Variants in CSMD1 observed in about 807,000 individuals in gnomAD.
CSMD1 encodes the protein CUB and sushi domain-containing protein 1.
CSMD1 carries 213 observed loss-of-function variants against 417.5 expected under a neutral mutation model. The observed-to-expected ratio is 0.51, with a 90% confidence interval of 0.46 to 0.57. CSMD1 has a LOEUF of 0.57. CSMD1 is among the 20% of genes least tolerant of loss of function. The pLI is 0.00. For missense variants in CSMD1, 6,923 were observed against 4,529.7 expected (o/e 1.53, Z -15.17); for synonymous variants, 2,862 against 1,736.8 (o/e 1.65, Z -16.11).
chr8:4,966,345 C>A (rs1270896405), intron 1 of CSMD1, among the ~76,000 whole-genome samples: 1 of 152,122 alleles, frequency 6.6e-6, no homozygotes, highest in Admixed American at 6.5e-5. Flanking sequence ...CACCATTGCA[C>A]TCCAGCCTGG....
In CSMD1 at chr8:3,408,019, G is replaced by A. The variant is rs761287790; in HGVS notation, c.1951C>T (p.Leu651=). The change falls in exon 14 of 70, where the codon CTG becomes TTG. Residue 651 remains leucine (L), a synonymous_variant. Transcript: ENST00000635120. ...KDDGISDITV[L]GTFSGNEVPS... is the part of the protein sequence containing the mutation. ...ACTTCATTGCCAGAAAAAGTACCCA[G>A]GACAGTTATGTCAGAAATGCCATCA... 1.0e-4 allele frequency: 164 copies of A among 1,613,786 alleles called. No individual in the cohort carries two copies. Among genetic ancestry groups the A allele is most frequent in the Non-Finnish European group, 1.2e-4 (139 of 1,179,882 alleles).
At chr8:3,800,388 G>C (rs1800389892) in intron 5 of CSMD1, among the ~76,000 whole-genome samples, 1 of 152,126 alleles carries the variant, frequency 6.6e-6, no homozygotes, top group Admixed American at 6.6e-5. Flanking sequence ...CTTACACAAT[G>C]AATTTAATGC....
chr8:3,719,830 A>T (rs190591833), intron 6 of CSMD1, among the ~76,000 whole-genome samples: 47 of 152,242 alleles, frequency 3.1e-4, no homozygotes, highest in Non-Finnish European at 1.5e-5. Flanking sequence ...AATCTCCCTC[A>T]CAGTGGGGAT....
chr8:3,898,228 G>C (rs1010810964), intron 5 of CSMD1, among the ~76,000 whole-genome samples: 2 of 152,022 alleles, frequency 1.3e-5, no homozygotes, highest in African/African-American at 2.4e-5. Context: ...TACATATTGA[G>C]AAAATAAAAA....
At chr8:3,918,728 A>C (rs1344518067) in intron 5 of CSMD1, among the ~76,000 whole-genome samples, 1 of 152,140 alleles carries the variant, frequency 6.6e-6, no homozygotes, top group East Asian at 1.9e-4. Flanking sequence ...CATTTGCAGC[A>C]ACCTGGATGG....
intron 9 of CSMD1, 46 bp downstream of exon 9, chr8:3,586,090 T>G: frequency 1.3e-6 from 2 of 1,580,004 alleles, no homozygotes; most frequent in Non-Finnish European, 8.6e-7. Flanking sequence ...AATGCCAACC[T>G]TAAAGAAAGA....
chr8:3,607,137 T>C (rs1801658208), intron 8 of CSMD1, among the ~76,000 whole-genome samples: 1 of 152,222 alleles, frequency 6.6e-6, no homozygotes, highest in Admixed American at 6.5e-5. Flanking sequence ...TTTTCTATTG[T>C]TCTTTTTACT....
Position 3,560,469 on chromosome 8 carries a change from C to G in CSMD1, c.1344+14476G>C, listed in dbSNP as rs138796896. Among the ~76,000 whole-genome samples, 258 of 152,238 alleles carry G rather than the reference C, an allele frequency of 1.7e-3. 7 individuals carry two copies. In the East Asian group the frequency reaches 0.044, roughly 26 times the overall value. Reference sequence around the variant, plus strand: ...GGATCCCAGGTCTGTGAACTCCAGACTGATTCTTCTCATGCTGTATTAGTG... The same window carrying G: ...GGATCCCAGGTCTGTGAACTCCAGAGTGATTCTTCTCATGCTGTATTAGTG... On this transcript the variant is annotated intron_variant, in intron 10 of 69. Coordinates refer to ENST00000635120, the MANE Select transcript of CSMD1 (RefSeq NM_033225.6).
rs559139185 is a variant in CSMD1 at position 4,764,129 on chromosome 8, C to T, written c.86-126571G>A. Among the ~76,000 whole-genome samples, 28 of 152,232 alleles carry T rather than the reference C, an allele frequency of 1.8e-4. 1 individual carries two copies. Among genetic ancestry groups the T allele is most frequent in the Admixed American group, 1.4e-3 (21 of 15,278 alleles). ...AGGTAATCTACTTTATATGAGATTTCGCATTATTCTTGTTTTTCTTGCTTT... is the reference window on the plus strand; with the variant it reads ...AGGTAATCTACTTTATATGAGATTTTGCATTATTCTTGTTTTTCTTGCTTT... On this transcript the variant is annotated intron_variant, in intron 1 of 69. Coordinates refer to ENST00000635120, the MANE Select transcript of CSMD1 (RefSeq NM_033225.6).
chr8:3,459,943 T>C (rs1052609219), intron 12 of CSMD1, among the ~76,000 whole-genome samples: 4 of 152,168 alleles, frequency 2.6e-5, no homozygotes, highest in East Asian at 3.9e-4. Context: ...TACAAAAATC[T>C]AAACAGTCCA....
intron 3 of CSMD1, among the ~76,000 whole-genome samples, chr8:4,352,456 A>T (rs1801153397): frequency 6.6e-6 from 1 of 152,354 alleles, no homozygotes; most frequent in Admixed American, 6.5e-5. Flanking sequence ...TTTAAAGAAT[A>T]GAAAGTGGAA....
At chr8:3,230,323 T>C in intron 26 of CSMD1, 92 bp from the exon 27 acceptor site, 1 of 968,168 alleles carries the variant, frequency 1.0e-6, no homozygotes, top group Non-Finnish European at 1.5e-6. Flanking sequence ...TGAAGCACTC[T>C]TCATTGGCCT....
intron 5 of CSMD1, among the ~76,000 whole-genome samples, chr8:3,764,614 G>C (rs976082387): frequency 6.6e-6 from 1 of 152,090 alleles, no homozygotes; most frequent in South Asian, 2.1e-4. Context: ...CCTTGGAGAT[G>C]TGATATCCAC....
chr8:4,245,432 T>C (rs1319311855), intron 3 of CSMD1, among the ~76,000 whole-genome samples: 2 of 151,982 alleles, frequency 1.3e-5, no homozygotes, highest in Admixed American at 6.6e-5. Context: ...AGGAGGCAGG[T>C]TAGGTGGTGC....
intron 7 of CSMD1, among the ~76,000 whole-genome samples, chr8:3,648,349 T>C (rs533254717): frequency 6.6e-6 from 1 of 152,242 alleles, no homozygotes; most frequent in South Asian, 2.1e-4. Context: ...AACAATATTT[T>C]GGTCATGACA....
intron 30 of CSMD1, among the ~76,000 whole-genome samples, chr8:3,208,867 G>C (rs1797446003): frequency 6.6e-6 from 1 of 152,152 alleles, no homozygotes. Flanking sequence ...CTTCAGTTTT[G>C]GGACTCGGAA....
intron 7 of CSMD1, among the ~76,000 whole-genome samples, chr8:3,658,640 G>C (rs1278758101): frequency 2.0e-5 from 3 of 151,746 alleles, no homozygotes; most frequent in African/African-American, 7.3e-5. Context: ...AAAATCAGTT[G>C]GGCGTGGTGG....
intron 9 of CSMD1, among the ~76,000 whole-genome samples, chr8:3,584,386 G>T (rs1005287990): frequency 1.3e-5 from 2 of 152,064 alleles, no homozygotes; most frequent in Non-Finnish European, 2.9e-5. Flanking sequence ...TGATCAAGTG[G>T]GACACTTGAA....
Position 4,724,303 on chromosome 8 carries a change from A to G in CSMD1, c.86-86745T>C, listed in dbSNP as rs544332822. Reference sequence around the variant, plus strand: ...GCTATGTCAAATTGTGTGTAAACATAGGGTTATCTATATCACTACTGATTA... The same window carrying G: ...GCTATGTCAAATTGTGTGTAAACATGGGGTTATCTATATCACTACTGATTA... On this transcript the variant is annotated intron_variant, in intron 1 of 69. Transcript: ENST00000635120. Among the ~76,000 whole-genome samples the G allele has an allele frequency of 1.4e-4, 21 of 152,240 alleles. No homozygotes were observed. The Middle Eastern group carries it at 0.01, about 74-fold the overall frequency.
Sources: allele counts gnomAD v4.1 joint callset (sites outside exome capture counted in the v4.1 genomes callset), GRCh38; gene constraint gnomAD v4.1.1; transcripts MANE v1.5; gene names NCBI Gene and HGNC (gene_info 2026-07-23, HGNC 2026-07-21).